Variants in SLCO3A1 observed in about 807,000 individuals in gnomAD.
SLCO3A1 encodes the protein PGE1 transporter.
A neutral mutation model predicts 63.1 loss-of-function variants in SLCO3A1; 27 were observed. The ratio of observed to expected loss-of-function variants is 0.43; its 90% CI spans 0.32 to 0.59. SLCO3A1 has a LOEUF of 0.59. Ranked by LOEUF, SLCO3A1 falls within the 20% of genes least tolerant of loss-of-function variation. The pLI, the probability that SLCO3A1 is intolerant of heterozygous loss-of-function variation, is 0.09. For missense variants in SLCO3A1, 773 were observed against 945.8 expected, an observed-to-expected ratio of 0.82 and a Z score of 2.40; for synonymous variants, 473 against 409.9, an observed-to-expected ratio of 1.15 and a Z score of -1.86.
intron 2 of SLCO3A1, among the ~76,000 whole-genome samples, chr15:91,927,804 G>C (rs898418962): frequency 5.3e-5 from 8 of 152,206 alleles, no homozygotes; most frequent in Non-Finnish European, 7.4e-5. Context: ...TTCTCAGCAA[G>C]AGGTCTCATT....
At chr15:91,928,286 A>C (rs1291565442) in intron 2 of SLCO3A1, among the ~76,000 whole-genome samples, 1 of 152,230 alleles carries the variant, frequency 6.6e-6, no homozygotes, top group Non-Finnish European at 1.5e-5. Context: ...CATACAGACA[A>C]CCAGTATTTT....
At chr15:92,157,266 A>AAG (rs1173017845) in intron 9 of SLCO3A1, 2 of 152,178 alleles carry the variant, frequency 1.3e-5, no homozygotes, top group Non-Finnish European at 2.9e-5. Context: ...AGATAAAAAA[A>AAG]AGAGAGAGAA....
intron 2 of SLCO3A1, among the ~76,000 whole-genome samples, chr15:92,089,648 A>G (rs1174362566): frequency 6.6e-6 from 1 of 152,126 alleles, no homozygotes; most frequent in African/African-American, 2.4e-5. Context: ...CTTGAGGGCA[A>G]AATTCTTGTC....
At chr15:92,166,964 G>A (rs1343874098), downstream of SLCO3A1, among the ~76,000 whole-genome samples, 4 of 152,230 alleles carry the variant, frequency 2.6e-5, no homozygotes, top group South Asian at 2.1e-4. Context: ...CTACTCAGCA[G>A]TGGCAAGCTA....
intron 2 of SLCO3A1, among the ~76,000 whole-genome samples, chr15:92,080,944 G>GTATA (rs199770225): frequency 1.0e-5 from 1 of 95,496 alleles, no homozygotes; most frequent in African/African-American, 3.5e-5. Context: ...GTAGCTGTGT[G>GTATA]TGTGTGTGTG....
In SLCO3A1 at chr15:92,164,521, C is replaced by G; in HGVS notation, c.*1386C>G. 1 of 985,370 alleles carries G rather than the reference C, an allele frequency of 1.0e-6. No homozygotes were observed. The highest frequency in any genetic ancestry group is 1.2e-6 in the Non-Finnish European group (1 of 829,940). 61.0% of individuals were successfully genotyped at this position (985,370 alleles called of 1,614,324 possible). On this transcript the variant is annotated 3_prime_UTR_variant, in exon 10 of 10. Transcript: ENST00000318445. ...CTTTTCAGCCTGTGGAGGAGACACT[C>G]TTAGATGTGGGTTTGTGTGTATGGG...
At chr15:92,152,145 TTCTAAATTTGTTTTA>T (rs1182052857) in intron 9 of SLCO3A1, among the ~76,000 whole-genome samples, 1 of 152,258 alleles carries the variant, frequency 6.6e-6, no homozygotes, top group African/African-American at 2.4e-5. Flanking sequence ...AGGTTATATT[TTCTAAATTTGTTTTA>T]AAGTTTTGAA....
At chr15:91,908,027 T>A (rs931769051) in intron 1 of SLCO3A1, among the ~76,000 whole-genome samples, 1 of 152,180 alleles carries the variant, frequency 6.6e-6, no homozygotes, top group African/African-American at 2.4e-5. Context: ...AACTGTGACG[T>A]GCAGGTGTGC....
chr15:91,988,494 A>G (rs957141429), intron 2 of SLCO3A1, among the ~76,000 whole-genome samples: 24 of 152,194 alleles, frequency 1.6e-4, no homozygotes, highest in African/African-American at 5.8e-4. Context: ...AGCCCAAGGA[A>G]AACTTGATTA....
At chr15:91,931,788 A>AAC (rs112525299) in intron 2 of SLCO3A1, among the ~76,000 whole-genome samples, 3,179 of 144,176 alleles carry the variant, frequency 0.022, 53 homozygotes, top group African/African-American at 0.027. Flanking sequence ...TAAGTGTGGA[A>AAC]ACACACACAC....
chr15:92,110,772 C>A (rs1162519105), intron 4 of SLCO3A1, among the ~76,000 whole-genome samples: 1 of 152,154 alleles, frequency 6.6e-6, no homozygotes, highest in Non-Finnish European at 1.5e-5. Flanking sequence ...TGCTCAGTGC[C>A]TGCTATGTGA....
At chr15:91,996,752 C>T (rs1301386168) in intron 2 of SLCO3A1, among the ~76,000 whole-genome samples, 2 of 152,094 alleles carry the variant, frequency 1.3e-5, no homozygotes, top group Admixed American at 6.5e-5. Flanking sequence ...AAAAATGATT[C>T]ATTTAATGAA....
chr15:91,962,722 C>CA (rs1292208437), intron 2 of SLCO3A1, among the ~76,000 whole-genome samples: 2 of 151,984 alleles, frequency 1.3e-5, no homozygotes, highest in Admixed American at 1.3e-4. Context: ...TGCACCCCAT[C>CA]CCCAGCAGCA....
At position 92,171,610 on chromosome 15, in the gene SLCO3A1, C is replaced by T; in HGVS notation, c.1997-170C>T. ...AAAGTCTCTGGGCTCAGAGTCTGGT[C>T]CCTTGGGGTTACATGGAATGAAACC... On this transcript the variant is annotated intron_variant, in intron 10 of 10. Coordinates refer to the SLCO3A1 transcript ENST00000424469. The T allele has an allele frequency of 1.0e-5, 6 of 587,358 alleles. No individual in the cohort carries two copies. In the South Asian group the frequency reaches 1.3e-4, roughly 13 times the overall value. 36.4% of individuals were successfully genotyped at this position (587,358 alleles called of 1,614,324 possible).
chr15:91,965,034 A>G (rs549671160), intron 2 of SLCO3A1, among the ~76,000 whole-genome samples: 1 of 152,276 alleles, frequency 6.6e-6, no homozygotes, highest in Non-Finnish European at 1.5e-5. Flanking sequence ...CTGAAGAGGT[A>G]CTGGGGACCT....
chr15:91,864,879 ACCTC>A (rs1273590347), intron 1 of SLCO3A1, among the ~76,000 whole-genome samples: 2 of 151,514 alleles, frequency 1.3e-5, no homozygotes, highest in Non-Finnish European at 2.9e-5. Context: ...TTTTCTTCCT[ACCTC>A]CCTCCACTGG....
downstream of SLCO3A1, among the ~76,000 whole-genome samples, chr15:92,167,318 T>G (rs55791666): frequency 1.3e-5 from 2 of 152,066 alleles, no homozygotes; most frequent in Non-Finnish European, 2.9e-5. Context: ...CTCTCAACCA[T>G]GATCCATGTT....
At chr15:92,002,464 A>T (rs1027264701) in intron 2 of SLCO3A1, among the ~76,000 whole-genome samples, 1 of 152,232 alleles carries the variant, frequency 6.6e-6, no homozygotes, top group Non-Finnish European at 1.5e-5. Context: ...CAGGTGATGA[A>T]AACAGCATGG....
At chr15:92,023,414 G>C (rs925705441) in intron 2 of SLCO3A1, among the ~76,000 whole-genome samples, 8 of 151,932 alleles carry the variant, frequency 5.3e-5, no homozygotes, top group African/African-American at 1.9e-4. Context: ...CTCTATATGA[G>C]AAGAAAACTG....
Sources: gnomAD v4.1 joint callset for allele counts (sites outside exome capture counted in the v4.1 genomes callset) on GRCh38, gnomAD v4.1.1 for gene constraint, MANE v1.5 for transcripts, NCBI Gene and HGNC (gene_info 2026-07-23, HGNC 2026-07-21) for gene names.